The following BASP1 variants were observed in gnomAD, a reference collection of about 807,000 sequenced individuals.
BASP1 encodes brain abundant membrane attached signal protein 1.
Under a neutral mutation model 2.2 loss-of-function variants are expected in BASP1, and 1 was observed. The observed-to-expected ratio is 0.46, with a 90% confidence interval of 0.16 to 2.17. The LOEUF (loss-of-function observed/expected upper bound fraction) is 2.17, where lower values mean the gene tolerates loss of function less well. BASP1 is among the 30% of genes most tolerant of loss of function. BASP1 has a pLI of 0.27. For synonymous variants in BASP1, 187 were observed against 154.2 expected, an observed-to-expected ratio of 1.21 and a Z score of -1.58; for missense variants, 352 against 327.2, an observed-to-expected ratio of 1.08 and a Z score of -0.58.
intron 1 of BASP1, among the ~76,000 whole-genome samples, chr5:17,242,925 CAT>C (rs1275086258): frequency 1.3e-5 from 2 of 150,728 alleles, no homozygotes; most frequent in Non-Finnish European, 2.9e-5. Flanking sequence ...GCAGGGAGGA[CAT>C]GTCTTGAAAT....
rs771941899 is a variant in BASP1, at chr5:17,275,850, G to A, written c.634G>A (p.Val212Met). 6.2e-7 allele frequency: 1 copy of A among 1,605,560 alleles called. No individual in the cohort carries two copies. ...PAASAEEPKPVEAPAANSDQT... is the reference protein window; with the variant it reads ...PAASAEEPKPMEAPAANSDQT... ...AGCCTCTGCAGAAGAGCCCAAGCCG[G>A]TGGAGGCCCCGGCAGCTAATTCCGA... Residue 212 changes from valine (V) to methionine (M), a missense_variant, in exon 2 of 2, where the codon GTG (valine) becomes ATG (methionine). Physicochemically the swap from Val to Met is conservative, Grantham distance 21. Coordinates refer to ENST00000322611, the MANE Select transcript of BASP1 (RefSeq NM_006317.5). This position sits in a 1 kb window ranked among gnomAD's most constrained non-coding sequence, Gnocchi z 5.3.
intron 1 of BASP1, among the ~76,000 whole-genome samples, chr5:17,268,737 A>G (rs888464372): frequency 6.6e-6 from 1 of 152,232 alleles, no homozygotes; most frequent in Admixed American, 6.5e-5. Flanking sequence ...TCTCTATTAC[A>G]GAGTGTCTTC....
At chr5:17,217,376 T>G (rs1258122812), upstream of BASP1, among the ~76,000 whole-genome samples, 2 of 19,476 alleles carry the variant, frequency 1.0e-4, no homozygotes, top group Admixed American at 4.9e-4. Context: ...GTGTCCAGGC[T>G]GGAGGGGAGA....
At chr5:17,255,379 C>T (rs1740186351) in intron 1 of BASP1, among the ~76,000 whole-genome samples, 1 of 152,160 alleles carries the variant, frequency 6.6e-6, no homozygotes, top group African/African-American at 2.4e-5. Context: ...CCACTTAAAA[C>T]TATAATAAGT....
chr5:17,235,661 A>G (rs139242011), intron 1 of BASP1, among the ~76,000 whole-genome samples: 43 of 152,212 alleles, frequency 2.8e-4, no homozygotes, highest in Non-Finnish European at 4.7e-4. Flanking sequence ...TTGACTCCTG[A>G]GTTGCAAATA....
At chr5:17,248,132 A>C (rs180756029) in intron 1 of BASP1, among the ~76,000 whole-genome samples, 84 of 152,270 alleles carry the variant, frequency 5.5e-4, no homozygotes, top group Admixed American at 2.2e-3. Flanking sequence ...TATCTTTTCA[A>C]TGGTTACCTG....
intron 1 of BASP1, among the ~76,000 whole-genome samples, chr5:17,234,085 C>T (rs925528664): frequency 2.8e-4 from 42 of 149,440 alleles, no homozygotes; most frequent in African/African-American, 9.3e-4. Context: ...GAGTTGAGAT[C>T]GCGCCACTGC....
At chr5:17,235,904 C>T (rs1432239572) in intron 1 of BASP1, among the ~76,000 whole-genome samples, 1 of 152,194 alleles carries the variant, frequency 6.6e-6, no homozygotes, top group Non-Finnish European at 1.5e-5. Context: ...CCTTCAGACA[C>T]TACTTGGCCC....
chr5:17,218,072 T>A (rs1739301241), intron 1 of BASP1, among the ~76,000 whole-genome samples: 1 of 135,092 alleles, frequency 7.4e-6, no homozygotes, highest in African/African-American at 2.7e-5. Flanking sequence ...GCGGCGAGGT[T>A]GGTAAACGGA....
At chr5:17,254,845 A>T (rs1338885745) in intron 1 of BASP1, among the ~76,000 whole-genome samples, 1 of 152,220 alleles carries the variant, frequency 6.6e-6, no homozygotes, top group Admixed American at 6.5e-5. Context: ...TTAAAGCACC[A>T]TCTATGTTGG....
chr5:17,243,229 A>G lies in BASP1; in HGVS notation c.-10+25419A>G, dbSNP rs145341542. Among the ~76,000 whole-genome samples, 1,454 of 151,604 alleles carry G rather than the reference A, an allele frequency of 9.6e-3. 26 individuals carry two copies. Among genetic ancestry groups the G allele is most frequent in the African/African-American group, 0.033 (1,376 of 41,274 alleles). On this transcript the variant is annotated intron_variant, in intron 1 of 1. Transcript: ENST00000322611. ...AGGGCCGCGATCTTGACTCACTGCA[A>G]CCTCCACTTTCTGGGTTCAAGCAAT... is the stretch of plus-strand genomic sequence containing the variant.
intron 1 of BASP1, among the ~76,000 whole-genome samples, chr5:17,220,872 G>A (rs1021246573): frequency 2.0e-5 from 3 of 152,166 alleles, no homozygotes; most frequent in Non-Finnish European, 2.9e-5. Context: ...TCATGGTCAA[G>A]CGGAGTATGA....
chr5:17,266,907 A>G (rs1740426228), intron 1 of BASP1, among the ~76,000 whole-genome samples: 1 of 151,738 alleles, frequency 6.6e-6, no homozygotes, highest in African/African-American at 2.4e-5. Context: ...GCCTGTGGAT[A>G]GCTCTGTAAA....
chr5:17,222,324 T>C (rs1331848524), intron 1 of BASP1, among the ~76,000 whole-genome samples: 1 of 152,212 alleles, frequency 6.6e-6, no homozygotes, highest in Non-Finnish European at 1.5e-5. Flanking sequence ...CTTATACTTA[T>C]ACTTATGTAA....
At chr5:17,218,132 A>C (rs918705679) in intron 1 of BASP1, among the ~76,000 whole-genome samples, 1 of 151,722 alleles carries the variant, frequency 6.6e-6, no homozygotes, top group Non-Finnish European at 1.5e-5. Flanking sequence ...GACGGGAGGA[A>C]TTGCCGAATG....
intron 1 of BASP1, among the ~76,000 whole-genome samples, chr5:17,238,559 G>A (rs892047577): frequency 5.9e-5 from 9 of 152,248 alleles, no homozygotes; most frequent in South Asian, 2.1e-4. Flanking sequence ...AAAAATGCTC[G>A]CCTGATCCCC....
At chr5:17,263,254 CT>C (rs1353017683) in intron 1 of BASP1, among the ~76,000 whole-genome samples, 1 of 152,010 alleles carries the variant, frequency 6.6e-6, no homozygotes, top group African/African-American at 2.4e-5. Flanking sequence ...CATTGTGTAT[CT>C]TTATGGGGTA....
intron 1 of BASP1, among the ~76,000 whole-genome samples, chr5:17,274,178 A>C (rs1409365060): frequency 6.6e-6 from 1 of 152,232 alleles, no homozygotes; most frequent in African/African-American, 2.4e-5. Context: ...TTGAACGTGC[A>C]TGTATAGTTT....
chr5:17,274,788 C>T (rs1269634340), intron 1 of BASP1, among the ~76,000 whole-genome samples: 1 of 152,200 alleles, frequency 6.6e-6, no homozygotes, highest in Non-Finnish European at 1.5e-5. Context: ...TATTGCAGAA[C>T]TCACTTAATT....
Sources: gnomAD v4.1 joint callset for allele counts (sites outside exome capture counted in the v4.1 genomes callset) on GRCh38, gnomAD v4.1.1 for gene constraint, Gnocchi (gnomAD v3.1) non-coding constraint, MANE v1.5 for transcripts, NCBI Gene and HGNC (gene_info 2026-07-23, HGNC 2026-07-21) for gene names.